SOS1: variants seen among roughly 807,000 people sequenced by gnomAD.
SOS1 encodes son of sevenless homolog 1.
SOS1 carries 25 observed loss-of-function variants against 157.6 expected under a neutral mutation model. The observed-to-expected ratio is 0.16, with a 90% CI of 0.12 to 0.22. The LOEUF (loss-of-function observed/expected upper bound fraction) is 0.22, where lower values mean the gene tolerates loss of function less well. SOS1 is among the 10% of genes least tolerant of loss of function. The pLI, the probability that SOS1 is intolerant of heterozygous loss-of-function variation, is 1.00. For synonymous variants in SOS1, 528 were observed against 534.0 expected (o/e 0.99, Z 0.16); for missense variants, 1,237 against 1,599.1 (o/e 0.77, Z 3.86).
At chr2:39,115,318 A>G (rs1345536005) in intron 1 of SOS1, among the ~76,000 whole-genome samples, 1 of 149,302 alleles carries the variant, frequency 6.7e-6, no homozygotes, top group Non-Finnish European at 1.5e-5. Flanking sequence ...CATATAGTAT[A>G]TACTCTTTTT....
chr2:39,025,774 T>C (rs866578028), intron 8 of SOS1, among the ~76,000 whole-genome samples: 5 of 152,250 alleles, frequency 3.3e-5, no homozygotes, highest in Admixed American at 2.0e-4. Context: ...TCTGCTTCAA[T>C]TGATAAAAAT....
intron 1 of SOS1, among the ~76,000 whole-genome samples, chr2:39,074,989 A>G (rs1318644731): frequency 2.6e-5 from 4 of 152,208 alleles, no homozygotes; most frequent in African/African-American, 7.2e-5. Flanking sequence ...CAGGTTGTAT[A>G]TCATGCTAAG....
chr2:39,013,647 G>T (rs1669536631), intron 12 of SOS1, 84 bp from the exon 13 acceptor site: 3 of 1,017,382 alleles, frequency 2.9e-6, no homozygotes, highest in South Asian at 2.5e-5. Context: ...AAATGAAAAT[G>T]CAGTAACTCT....
chr2:39,108,588 C>A (rs572882367), intron 1 of SOS1, among the ~76,000 whole-genome samples: 1 of 152,234 alleles, frequency 6.6e-6, no homozygotes, highest in South Asian at 2.1e-4. Flanking sequence ...GTCCCACTTC[C>A]ATTTAAAAAG....
intron 12 of SOS1, 140 bp downstream of exon 12, chr2:39,013,727 T>G: frequency 2.2e-6 from 2 of 889,682 alleles, no homozygotes; most frequent in African/African-American, 1.7e-5. Context: ...CTATAATTTC[T>G]GATAACTGCT....
Position 39,061,400 on chromosome 2 carries a change from T to TG in SOS1, c.214-2597dup, listed in dbSNP as rs369011862. On this transcript the variant is annotated intron_variant, in intron 2 of 22. Coordinates refer to ENST00000402219, the MANE Select transcript of SOS1 (RefSeq NM_005633.4). ...ATATTTCTTTACTTTTTATTTATTT[T>TG]GGGGGGGAACAGGGTCTCGATCTAT... is the stretch of plus-strand genomic sequence containing the variant. Among the ~76,000 whole-genome samples, 1,136 of 152,160 alleles carry TG rather than the reference T, an allele frequency of 7.5e-3. 7 individuals are homozygous for TG. Among genetic ancestry groups the TG allele is most frequent in the Middle Eastern group, 0.014 (4 of 294 alleles).
At chr2:39,021,517 C>T (rs1572828995) in intron 10 of SOS1, among the ~76,000 whole-genome samples, 1 of 111,948 alleles carries the variant, frequency 8.9e-6, no homozygotes, top group East Asian at 2.3e-4. Flanking sequence ...TCTTACAATG[C>T]TCTACAGGAA....
intron 1 of SOS1, among the ~76,000 whole-genome samples, chr2:39,086,233 T>A (rs767139687): frequency 6.6e-6 from 1 of 152,182 alleles, no homozygotes; most frequent in African/African-American, 2.4e-5. Context: ...GTGAAAAGTA[T>A]ATTGGTGAAG....
chr2:39,046,003 C>A, intron 6 of SOS1, among the ~76,000 whole-genome samples: 1 of 152,146 alleles, frequency 6.6e-6, no homozygotes, highest in East Asian at 1.9e-4. Flanking sequence ...TGAGCCATTG[C>A]GCCAGGCCTA....
chr2:39,108,219 C>A (rs1056551240), intron 1 of SOS1, among the ~76,000 whole-genome samples: 1 of 152,314 alleles, frequency 6.6e-6, no homozygotes, highest in Non-Finnish European at 1.5e-5. Flanking sequence ...ATCAAAGCCA[C>A]CTATCATCCC....
chr2:39,017,094 A>G (rs560340262), intron 10 of SOS1, among the ~76,000 whole-genome samples: 5 of 152,166 alleles, frequency 3.3e-5, no homozygotes, highest in African/African-American at 1.2e-4. Flanking sequence ...CTTATTTCAT[A>G]TGATTTATGT....
chr2:39,029,904 C>T (rs187096296), intron 8 of SOS1, among the ~76,000 whole-genome samples: 15 of 152,176 alleles, frequency 9.9e-5, no homozygotes, highest in Admixed American at 2.0e-4. Flanking sequence ...CGGTGGCTTA[C>T]GCCTATAATC....
chr2:39,113,498 T>A (rs1207286720), intron 1 of SOS1, among the ~76,000 whole-genome samples: 1 of 151,764 alleles, frequency 6.6e-6, no homozygotes, highest in Non-Finnish European at 1.5e-5. Context: ...TGTTTAAAAA[T>A]ACAGATTTTA....
At chr2:38,992,246 G>A (rs1271082284) in intron 20 of SOS1, 2 of 20,662 alleles carry the variant, frequency 9.7e-5, no homozygotes, top group Non-Finnish European at 1.9e-4. Flanking sequence ...AAAAGCAACT[G>A]ATAGGTTTTA....
chr2:39,004,173 T>C (rs1273980736), intron 17 of SOS1, among the ~76,000 whole-genome samples: 1 of 152,102 alleles, frequency 6.6e-6, no homozygotes, highest in Non-Finnish European at 1.5e-5. Context: ...CCCAGCACTT[T>C]GGGAGGCCAA....
intron 17 of SOS1, among the ~76,000 whole-genome samples, chr2:38,999,039 T>C (rs1034128825): frequency 5.3e-5 from 8 of 152,196 alleles, no homozygotes; most frequent in African/African-American, 1.7e-4. Flanking sequence ...TAACATGCTA[T>C]GAGAGCAAAA....
At chr2:38,992,652 A>C (rs1483421640) in intron 20 of SOS1, 1 of 152,226 alleles carries the variant, frequency 6.6e-6, no homozygotes, top group African/African-American at 2.4e-5. Context: ...ACTTAAACAA[A>C]GAGAAGTAGA....
chr2:39,004,452 A>G (rs1669221316), intron 17 of SOS1, among the ~76,000 whole-genome samples: 1 of 150,052 alleles, frequency 6.7e-6, no homozygotes, highest in Non-Finnish European at 1.5e-5. Context: ...GTAAACAGGG[A>G]AAAAGTAGAA....
At chr2:39,101,197 C>T (rs1443308338) in intron 1 of SOS1, among the ~76,000 whole-genome samples, 1 of 152,088 alleles carries the variant, frequency 6.6e-6, no homozygotes, top group Non-Finnish European at 1.5e-5. Context: ...GTGTGTCACA[C>T]TCTTCTGAAC....
Sources: allele counts gnomAD v4.1 joint callset (sites outside exome capture counted in the v4.1 genomes callset), GRCh38; gene constraint gnomAD v4.1.1; transcripts MANE v1.5; gene names NCBI Gene and HGNC (gene_info 2026-07-23, HGNC 2026-07-21).